The following RUFY4 variants were observed in gnomAD, a reference collection of about 807,000 sequenced individuals.
RUFY4 encodes the protein RUN and FYVE domain containing 4, also known as RUN and FYVE domain-containing protein 4.
A neutral mutation model predicts 69.0 loss-of-function variants in RUFY4; 73 were observed. The ratio of observed to expected loss-of-function variants is 1.06; its 90% CI spans 0.88 to 1.29. RUFY4 has a LOEUF of 1.29. Among genes scored for constraint, RUFY4 ranks in the 50% most tolerant of loss-of-function variants. The pLI, the probability that RUFY4 is intolerant of heterozygous loss-of-function variation, is 0.00. For synonymous variants in RUFY4, 287 were observed against 271.8 expected (o/e 1.06, Z -0.55); for missense variants, 770 against 705.6 (o/e 1.09, Z -1.03).
At chr2:218,040,418 G>A (rs751481531) in intron 2 of RUFY4, among the ~76,000 whole-genome samples, 1 of 152,172 alleles carries the variant, frequency 6.6e-6, no homozygotes, top group East Asian at 1.9e-4. Flanking sequence ...GACACACCTG[G>A]CTGGGGCCTC....
chr2:218,041,750 A>G (rs1391660240), intron 2 of RUFY4, among the ~76,000 whole-genome samples: 1 of 152,224 alleles, frequency 6.6e-6, no homozygotes, highest in Non-Finnish European at 1.5e-5. Flanking sequence ...CTTAAGTTTC[A>G]CTTATGTTTT....
chr2:218,035,737 C>G (rs1958965997), intron 2 of RUFY4, among the ~76,000 whole-genome samples: 1 of 152,162 alleles, frequency 6.6e-6, no homozygotes. Flanking sequence ...AGGATGAGAT[C>G]CCCCAGGAGA....
At chr2:218,072,315 G>A (rs1689507338) in intron 2 of RUFY4, 59 bp from the exon 5 acceptor site, 1 of 1,522,906 alleles carries the variant, frequency 6.6e-7, no homozygotes, top group Non-Finnish European at 8.8e-7. Context: ...AAGCTAGAAT[G>A]CAGGGCGTGT....
chr2:218,050,509 A>G (rs934576011), intron 2 of RUFY4, among the ~76,000 whole-genome samples: 1 of 152,198 alleles, frequency 6.6e-6, no homozygotes, highest in East Asian at 1.9e-4. Flanking sequence ...AATAAGAGCT[A>G]TAACCCTCCC....
intron 2 of RUFY4, among the ~76,000 whole-genome samples, chr2:218,051,598 G>T (rs1248498705): frequency 6.7e-6 from 1 of 149,716 alleles, no homozygotes; most frequent in African/African-American, 2.4e-5. Flanking sequence ...ACACAGAAAA[G>T]TGTAGGGCAG....
intron 9 of RUFY4, among the ~76,000 whole-genome samples, chr2:218,084,715 G>A (rs1350074699): frequency 1.3e-5 from 2 of 152,076 alleles, no homozygotes; most frequent in Non-Finnish European, 2.9e-5. Context: ...AACAATAAAA[G>A]ACATATATAT....
intron 3 of RUFY4, chr2:218,060,287 G>T: frequency 6.8e-7 from 1 of 1,460,460 alleles, no homozygotes; most frequent in South Asian, 1.4e-5. Context: ...CTTGGAATGT[G>T]ACTGTGAAGA....
chr2:218,075,487 C>T (rs561400537), exon 7 of RUFY4: 3 of 1,590,570 alleles, frequency 1.9e-6, no homozygotes, highest in South Asian at 2.3e-5. Flanking sequence ...ACAGAGGGGA[C>T]TCACAAAAAG....
At chr2:218,060,300 A>G in intron 3 of RUFY4, 1 of 1,492,550 alleles carries the variant, frequency 6.7e-7, no homozygotes, top group South Asian at 1.4e-5. Context: ...TGTGAAGAGA[A>G]GGGAGGAACC....
At chr2:218,043,814 C>G (rs540179551) in intron 2 of RUFY4, among the ~76,000 whole-genome samples, 1 of 152,336 alleles carries the variant, frequency 6.6e-6, no homozygotes, top group East Asian at 1.9e-4. Flanking sequence ...CCTCCTGCCA[C>G]CAATCATGGC....
At position 218,060,826 on chromosome 2, in the gene RUFY4, C is replaced by A. The variant is rs760309378; in HGVS notation, c.-1071+2145C>A. On this transcript the variant is annotated intron_variant and NMD_transcript_variant, in intron 3 of 13. Coordinates refer to the RUFY4 transcript ENST00000457754. ...CAGTTTGCTGTATTGTTGCCCATGT[C>A]CTCATAGCAGACTGGGCTAACATTG... The A allele has an allele frequency of 1.8e-5, 28 of 1,580,742 alleles. No individual in the cohort carries two copies. In the Admixed American group the frequency reaches 4.7e-4, roughly 26 times the overall value.
At chr2:218,064,364 C>T (rs1037855443), upstream of RUFY4, among the ~76,000 whole-genome samples, 60 of 152,192 alleles carry the variant, frequency 3.9e-4, no homozygotes, top group African/African-American at 1.4e-3. Context: ...CAGCCCACTC[C>T]TCTCCAACTC....
chr2:218,046,140 T>G (rs1026112051), intron 2 of RUFY4, among the ~76,000 whole-genome samples: 1 of 151,994 alleles, frequency 6.6e-6, no homozygotes, highest in African/African-American at 2.4e-5. Flanking sequence ...TGTATAGTGA[T>G]CAGATCAGGG....
rs114857891 is a variant in RUFY4 at position 218,061,649 on chromosome 2, C to G, written c.-1071+2968C>G. Among the ~76,000 whole-genome samples, 359 of 152,290 alleles carry G rather than the reference C, an allele frequency of 2.4e-3. 8 individuals carry two copies. The East Asian group carries it at 0.046, about 19-fold the overall frequency. ...TATCAAAAGACTTCCATACTGATTC[C>G]CTTCCATGCTGGACACATATTCTTG... On this transcript the variant is annotated intron_variant and NMD_transcript_variant, in intron 3 of 13. Transcript: ENST00000457754.
chr2:218,085,876 G>A (rs747719586), intron 9 of RUFY4, among the ~76,000 whole-genome samples: 4 of 152,164 alleles, frequency 2.6e-5, no homozygotes, highest in Non-Finnish European at 1.5e-5. Context: ...AACCATTCCT[G>A]TCCACTATTC....
chr2:218,075,272 G>C (rs1488203544), exon 7 of RUFY4: 1 of 1,591,096 alleles, frequency 6.3e-7, no homozygotes, highest in Non-Finnish European at 8.6e-7. Flanking sequence ...GGAAACATAG[G>C]TACCCCCAGA....
chr2:218,048,218 G>A (rs1369002181), intron 2 of RUFY4, among the ~76,000 whole-genome samples: 2 of 152,056 alleles, frequency 1.3e-5, no homozygotes, highest in African/African-American at 4.8e-5. Flanking sequence ...TTTTTTACAC[G>A]ATTGCTGACC....
At chr2:218,090,331 C>G (rs771176237) in exon 11 of RUFY4, 37 of 323,358 alleles carry the variant, frequency 1.1e-4, no homozygotes, top group Non-Finnish European at 2.2e-4. Context: ...TCTCTAAAGT[C>G]CCTCTGGGCT....
intron 8 of RUFY4, among the ~76,000 whole-genome samples, chr2:218,077,184 G>A (rs1203126285): frequency 6.6e-6 from 1 of 152,154 alleles, no homozygotes; most frequent in Non-Finnish European, 1.5e-5. Context: ...CAGAACCAGT[G>A]GGCTCAGACG....
Sources: gnomAD v4.1 joint callset for allele counts (sites outside exome capture counted in the v4.1 genomes callset) on GRCh38, gnomAD v4.1.1 for gene constraint, MANE v1.5 for transcripts, NCBI Gene and HGNC (gene_info 2026-07-23, HGNC 2026-07-21) for gene names.